The following DENND10 variants were observed in gnomAD, a reference collection of about 807,000 sequenced individuals.
DENND10 encodes the protein DENN domain containing 10, also known as DENN domain-containing protein 10.
DENND10 carries 24 observed loss-of-function variants against 43.6 expected under a neutral mutation model. The observed-to-expected ratio is 0.55, with a 90% CI of 0.40 to 0.77. The LOEUF (loss-of-function observed/expected upper bound fraction) is 0.77. Ranked by LOEUF, DENND10 falls within the 30% of genes least tolerant of loss-of-function variation. The pLI is 0.00. For synonymous variants in DENND10, 125 were observed against 157.6 expected (o/e 0.79, Z 1.55); for missense variants, 303 against 429.9 (o/e 0.70, Z 2.61).
chr10:119,125,633 G>C (rs962840797), intron 6 of DENND10, among the ~76,000 whole-genome samples: 2 of 149,614 alleles, frequency 1.3e-5, no homozygotes, highest in Admixed American at 6.8e-5. Flanking sequence ...TCAGCTGCCT[G>C]AGTAGCTGGG....
intron 3 of DENND10, among the ~76,000 whole-genome samples, chr10:119,113,209 C>T (rs1253636832): frequency 2.8e-5 from 4 of 143,366 alleles, no homozygotes; most frequent in South Asian, 2.2e-4. Context: ...TTTTTTTTAG[C>T]GACACGGTCT....
At chr10:119,112,843 TTTTA>T in intron 3 of DENND10, among the ~76,000 whole-genome samples, 2 of 150,772 alleles carry the variant, frequency 1.3e-5, no homozygotes, top group Middle Eastern at 6.9e-3. Context: ...TTTTGCAGAG[TTTTA>T]TTTATTATGT....
At position 119,108,698 on chromosome 10, in the gene DENND10, A is replaced by G. The variant is rs1467658966; in HGVS notation, c.252+534A>G. 2.0e-5 allele frequency among the ~76,000 whole-genome samples: 3 copies of G among 150,468 alleles called. No individual in the cohort carries two copies. The East Asian group carries it at 6.2e-4, about 31-fold the overall frequency. On this transcript the variant is annotated intron_variant, in intron 2 of 8. Coordinates refer to ENST00000361432, the MANE Select transcript of DENND10 (RefSeq NM_207009.4). Reference sequence around the variant, plus strand: ...TTGAGATGGAGTTTTTCTGTTGGTCAGGCTGGAGTGCAATGGCGCAATCTC... The same window carrying G: ...TTGAGATGGAGTTTTTCTGTTGGTCGGGCTGGAGTGCAATGGCGCAATCTC...
intron 6 of DENND10, among the ~76,000 whole-genome samples, chr10:119,125,226 G>C (rs115032692): frequency 0.065 from 9,825 of 151,676 alleles, 831 homozygotes; most frequent in African/African-American, 0.19. Flanking sequence ...CCCACCTCAG[G>C]CTCCCAAAGT....
chr10:119,104,117 A>G lies in DENND10; in HGVS notation c.-26A>G, dbSNP rs1402107339. 6.0e-6 allele frequency: 9 copies of G among 1,493,926 alleles called. No individual in the cohort carries two copies. The East Asian group carries it at 1.1e-4, about 19-fold the overall frequency. The allele number at this position is 1,493,926 out of a possible 1,614,324, so 92.5% of individuals were successfully genotyped here. ...GAGGCCGGTCCTGCAGGCGGCAGCCAGAGCTGCGCGCCGCGGCGGCGGAAG... is the reference window on the plus strand; with the variant it reads ...GAGGCCGGTCCTGCAGGCGGCAGCCGGAGCTGCGCGCCGCGGCGGCGGAAG... On this transcript the variant is annotated 5_prime_UTR_variant, in exon 1 of 9. Coordinates refer to ENST00000361432, the MANE Select transcript of DENND10 (RefSeq NM_207009.4).
At position 119,130,454 on chromosome 10, in the gene DENND10, G is replaced by A. The variant is rs182784329; in HGVS notation, c.802+832G>A. Among the ~76,000 whole-genome samples, 6 of 152,158 alleles carry A rather than the reference G, an allele frequency of 3.9e-5. No individual in the cohort carries two copies. The East Asian group carries it at 5.8e-4, about 15-fold the overall frequency. ...ATTACTTACATATGTGAGCCACTGC[G>A]CCTGGCCTAATTTTTGTATTTTTAC... On this transcript the variant is annotated intron_variant, in intron 7 of 8. Transcript: ENST00000361432.
rs113271488 is a variant in DENND10 at position 119,130,308 on chromosome 10, C to T, written c.802+686C>T. On this transcript the variant is annotated intron_variant, in intron 7 of 8. Transcript: ENST00000361432. The stretch of plus-strand genomic sequence containing the variant: ...CCCGAGTAGCTGGGATTACAGGCAC[C>T]CGCCACCGCACCCAGCTAATTTTGT... Among the ~76,000 whole-genome samples the T allele has an allele frequency of 6.6e-3, 1,008 of 152,204 alleles. 10 individuals are homozygous for T. The highest frequency in any genetic ancestry group is 0.011 in the Non-Finnish European group (756 of 68,012).
intron 3 of DENND10, among the ~76,000 whole-genome samples, chr10:119,116,773 A>G (rs1845304177): frequency 6.7e-6 from 1 of 150,374 alleles, no homozygotes; most frequent in African/African-American, 2.5e-5. Context: ...GGTTCAAGCG[A>G]CAATCCTGCC....
intron 3 of DENND10, 135 bp from the exon 4 acceptor site, chr10:119,117,384 A>G (rs1845342102): frequency 1.1e-6 from 1 of 877,700 alleles, no homozygotes. Context: ...AAAAAACAGA[A>G]GAGTGAAGCA....
chr10:119,136,243 CT>C (rs1403940322), intron 8 of DENND10, among the ~76,000 whole-genome samples: 1 of 128,026 alleles, frequency 7.8e-6, no homozygotes, highest in Non-Finnish European at 1.8e-5. Flanking sequence ...GTTGCCCAGG[CT>C]GGAGTGCAGT....
intron 5 of DENND10, among the ~76,000 whole-genome samples, chr10:119,122,004 G>C (rs1845602838): frequency 6.6e-6 from 1 of 151,984 alleles, no homozygotes; most frequent in African/African-American, 2.4e-5. Flanking sequence ...TTAGCTCTGT[G>C]AACACATAAA....
At chr10:119,130,540 C>T (rs573679303) in intron 7 of DENND10, among the ~76,000 whole-genome samples, 1 of 152,286 alleles carries the variant, frequency 6.6e-6, no homozygotes, top group South Asian at 2.1e-4. Flanking sequence ...TCAAGTGATC[C>T]ACTGGCCTCA....
Position 119,104,150 on chromosome 10 carries a change from C to T in DENND10, c.8C>T (p.Ala3Val), listed in dbSNP as rs368513900. 71 of 1,514,712 alleles carry T rather than the reference C, an allele frequency of 4.7e-5. No homozygotes were observed. Among genetic ancestry groups the T allele is most frequent in the African/African-American group, 1.6e-4 (11 of 69,694 alleles). 93.8% of individuals were successfully genotyped at this position (1,514,712 alleles called of 1,614,324 possible). Reference sequence around the variant, plus strand: ...GCGCCGCGGCGGCGGAAGATGGCTGCGGCCGAGGTGGCGGACACTCAGCTG... The same window carrying T: ...GCGCCGCGGCGGCGGAAGATGGCTGTGGCCGAGGTGGCGGACACTCAGCTG... Reference protein sequence around the residue: MAAAEVADTQLML... With the variant: MAVAEVADTQLML... Residue 3 changes from alanine to valine, a missense_variant, in exon 1 of 9, where the codon GCG becomes GTG. Physicochemically the swap from Ala to Val is moderately conservative, Grantham distance 64. Coordinates refer to ENST00000361432, the MANE Select transcript of DENND10 (RefSeq NM_207009.4).
At position 119,111,755 on chromosome 10, in the gene DENND10, G is replaced by A. The variant is rs1186120291; in HGVS notation, c.253-94G>A. ...TTGGTCTTTTTCTTTTAATACTGTT[G>A]TGTCTTATACAAAAGGTTTGTTAGA... On this transcript the variant is annotated intron_variant, in intron 2 of 8. Transcript: ENST00000361432. 7 of 958,284 alleles carry A rather than the reference G, an allele frequency of 7.3e-6. No individual in the cohort carries two copies. In the East Asian group the frequency reaches 1.2e-4, roughly 17 times the overall value. 59.4% of individuals were successfully genotyped at this position (958,284 alleles called of 1,614,324 possible). A position where few individuals can be genotyped will look rare whatever the true frequency, so the allele number is the denominator to read the frequency against.
At chr10:119,106,266 A>G (rs1302851144) in intron 1 of DENND10, among the ~76,000 whole-genome samples, 1 of 152,148 alleles carries the variant, frequency 6.6e-6, no homozygotes, top group Non-Finnish European at 1.5e-5. Flanking sequence ...TTTTTAGTAT[A>G]ATGATTTCTT....
intron 8 of DENND10, chr10:119,134,964 A>C (rs1846248537): frequency 6.6e-6 from 1 of 151,918 alleles, no homozygotes; most frequent in Non-Finnish European, 1.5e-5. Context: ...CAGGAGTTCA[A>C]GACCAGCCTG....
chr10:119,112,786 C>CT lies in DENND10; in HGVS notation c.332+865dup, dbSNP rs950045372. On this transcript the variant is annotated intron_variant, in intron 3 of 8. Transcript: ENST00000361432. ...CTGGGATTATAGGCGTGATGAAACT[C>CT]TTTTTTTATGTGTTAAAGATATTAG... Among the ~76,000 whole-genome samples, 11 of 151,306 alleles carry CT rather than the reference C, an allele frequency of 7.3e-5. No homozygotes were observed. The South Asian group carries it at 8.3e-4, about 11-fold the overall frequency.
intron 2 of DENND10, among the ~76,000 whole-genome samples, chr10:119,110,812 G>C (rs927024068): frequency 1.3e-5 from 2 of 152,096 alleles, no homozygotes; most frequent in African/African-American, 4.8e-5. Context: ...GTTAGTTCAG[G>C]AGCTGTATGG....
intron 4 of DENND10, among the ~76,000 whole-genome samples, chr10:119,117,948 CAGACG>C (rs1187822154): frequency 6.6e-6 from 1 of 150,920 alleles, no homozygotes; most frequent in African/African-American, 2.4e-5. Context: ...GCCTGGGCAA[CAGACG>C]AGACTCCGTC....
Sources: allele counts gnomAD v4.1 joint callset (sites outside exome capture counted in the v4.1 genomes callset), GRCh38; gene constraint gnomAD v4.1.1; transcripts MANE v1.5; gene names NCBI Gene and HGNC (gene_info 2026-07-23, HGNC 2026-07-21).